GTF2IRD1: variants seen among roughly 807,000 people sequenced by gnomAD.
The protein encoded by GTF2IRD1 is GTF2I repeat domain containing 1.
In GTF2IRD1, 26 loss-of-function variants were observed where a neutral mutation model predicts 113.2. That is an observed-to-expected ratio of 0.23 (90% CI 0.17 to 0.32). The LOEUF is 0.32. Ranked by LOEUF, GTF2IRD1 falls within the 10% of genes least tolerant of loss-of-function variation. The probability of loss-of-function intolerance (pLI) is 1.00; values close to 1 mark genes in which losing one functional copy is unlikely to be tolerated. For missense variants in GTF2IRD1, 864 were observed against 1,280.8 expected, an observed-to-expected ratio of 0.67 and a Z score of 4.97; for synonymous variants, 484 against 529.1, an observed-to-expected ratio of 0.91 and a Z score of 1.17.
At chr7:74,495,574 G>T (rs1241277927) in intron 1 of GTF2IRD1, among the ~76,000 whole-genome samples, 1 of 152,158 alleles carries the variant, frequency 6.6e-6, no homozygotes, top group Non-Finnish European at 1.5e-5. Context: ...ACACACAGAT[G>T]AAAGCAATCA....
At chr7:74,549,437 G>T (rs1191255271) in intron 17 of GTF2IRD1, among the ~76,000 whole-genome samples, 1 of 152,100 alleles carries the variant, frequency 6.6e-6, no homozygotes, top group African/African-American at 2.4e-5. Context: ...ATACAGTGGC[G>T]AGGAGATCCG....
chr7:74,488,356 A>C (rs1286220748), intron 1 of GTF2IRD1, among the ~76,000 whole-genome samples: 3 of 152,220 alleles, frequency 2.0e-5, no homozygotes, highest in Non-Finnish European at 4.4e-5. Flanking sequence ...TAGGCTCTTC[A>C]GCTGCAGTTG....
At chr7:74,554,603 A>G (rs782024777) in intron 17 of GTF2IRD1, among the ~76,000 whole-genome samples, 1 of 152,058 alleles carries the variant, frequency 6.6e-6, no homozygotes, top group Non-Finnish European at 1.5e-5. Context: ...CAGTGGTGCT[A>G]TCTCAGTTCA....
chr7:74,509,997 G>A (rs73364485), intron 2 of GTF2IRD1, among the ~76,000 whole-genome samples: 10,886 of 152,088 alleles, frequency 0.072, 1,191 homozygotes, highest in African/African-American at 0.24. Context: ...TTTTTAGAGC[G>A]AACTTCTGGG....
At chr7:74,526,109 G>A (rs1189244048) in intron 8 of GTF2IRD1, among the ~76,000 whole-genome samples, 2 of 152,250 alleles carry the variant, frequency 1.3e-5, no homozygotes, top group African/African-American at 4.8e-5. Context: ...GCCAGGCGGA[G>A]GTTGGGGGAG....
intron 9 of GTF2IRD1, among the ~76,000 whole-genome samples, chr7:74,534,415 A>G (rs1798156753): frequency 6.6e-6 from 1 of 152,206 alleles, no homozygotes; most frequent in Non-Finnish European, 1.5e-5. Flanking sequence ...CAGCCTGGCC[A>G]ACATGGTGAA....
intron 1 of GTF2IRD1, among the ~76,000 whole-genome samples, chr7:74,490,271 A>G (rs534676594): frequency 2.2e-4 from 33 of 152,236 alleles, no homozygotes; most frequent in South Asian, 1.2e-3. Context: ...GTGAGACCCC[A>G]GGTGTCTTAA....
intron 14 of GTF2IRD1, among the ~76,000 whole-genome samples, chr7:74,541,489 G>A (rs1285238846): frequency 6.6e-6 from 1 of 152,128 alleles, no homozygotes; most frequent in Admixed American, 6.5e-5. Context: ...AGTTGGGTGT[G>A]GTGGTGCGTG....
At chr7:74,550,141 A>G (rs1799219722) in intron 17 of GTF2IRD1, among the ~76,000 whole-genome samples, 1 of 152,122 alleles carries the variant, frequency 6.6e-6, no homozygotes, top group Non-Finnish European at 1.5e-5. Flanking sequence ...GGTTGCAGTG[A>G]GCCGAGATCG....
chr7:74,571,034 TCTC>T (rs1800667837), intron 22 of GTF2IRD1: 1 of 921,726 alleles, frequency 1.1e-6, no homozygotes, highest in Non-Finnish European at 1.3e-6. Context: ...TCCTTTTAGT[TCTC>T]CTCTCACCCT....
At chr7:74,509,661 G>GGTTTT (rs1554342340) in intron 2 of GTF2IRD1, among the ~76,000 whole-genome samples, 2 of 151,158 alleles carry the variant, frequency 1.3e-5, no homozygotes, top group African/African-American at 4.9e-5. Context: ...AGCATGACCA[G>GGTTTT]TTTTGTTTTG....
At chr7:74,578,210 C>A (rs1262593546) in intron 22 of GTF2IRD1, among the ~76,000 whole-genome samples, 2 of 152,138 alleles carry the variant, frequency 1.3e-5, no homozygotes, top group Non-Finnish European at 2.9e-5. Context: ...GAGACGGAGT[C>A]TCGCACTGTC....
At chr7:74,525,283 C>T (rs1554346988) in intron 8 of GTF2IRD1, among the ~76,000 whole-genome samples, 1 of 152,136 alleles carries the variant, frequency 6.6e-6, no homozygotes, top group Non-Finnish European at 1.5e-5. Context: ...CCAGCCTGGG[C>T]CAGGTAGGCC....
Position 74,517,427 on chromosome 7 carries a change from CTTTTTTTT to C in GTF2IRD1, c.422-696_422-689del, listed in dbSNP as rs59499031. Among the ~76,000 whole-genome samples the C allele has an allele frequency of 5.4e-3, 422 of 77,432 alleles. 6 individuals are homozygous for C. Among genetic ancestry groups the C allele is most frequent in the African/African-American group, 0.02 (390 of 19,154 alleles). The allele number at this position is 77,432 out of a possible 152,430, so 50.8% of individuals were successfully genotyped here. A position where few individuals can be genotyped will look rare whatever the true frequency, so the allele number is the denominator to read the frequency against. On this transcript the variant is annotated intron_variant, in intron 4 of 26. Coordinates refer to ENST00000424337, the MANE Select transcript of GTF2IRD1 (RefSeq NM_005685.4). ...GGTCTCTCTCCCTTCCTCCCTACACCTTTTTTTTTTTTTTTTTTTTTTTGAGATGGATT... is the reference window on the plus strand; with the variant it reads ...GGTCTCTCTCCCTTCCTCCCTACACCTTTTTTTTTTTTTTTGAGATGGATT...
intron 20 of GTF2IRD1, 130 bp downstream of exon 20, chr7:74,557,852 A>G (rs1159701023): frequency 1.6e-6 from 1 of 621,392 alleles, no homozygotes; most frequent in Non-Finnish European, 2.9e-6. Flanking sequence ...TCTTGAGCAT[A>G]TACTACGTGC....
intron 1 of GTF2IRD1, among the ~76,000 whole-genome samples, chr7:74,492,376 T>C (rs559693331): frequency 1.3e-4 from 20 of 152,016 alleles, no homozygotes; most frequent in Non-Finnish European, 2.2e-4. Context: ...TTCACCATGT[T>C]AGCCAGGATG....
chr7:74,589,987 C>A, intron 23 of GTF2IRD1, 59 bp downstream of exon 23: 1 of 1,097,396 alleles, frequency 9.1e-7, no homozygotes, highest in Non-Finnish European at 1.4e-6. Flanking sequence ...TGGTGGGGGG[C>A]CTCCCTCTGC....
rs868992449 is a variant in GTF2IRD1, at chr7:74,550,571, A to G, written c.1916+3285A>G. On this transcript the variant is annotated intron_variant, in intron 17 of 26. Transcript: ENST00000424337. ...CACTGCACTCTAGCCTGGGTGACAG[A>G]GTAAGACCCTGTCTCGAAAATTTTT... Among the ~76,000 whole-genome samples, 6 of 152,008 alleles carry G rather than the reference A, an allele frequency of 3.9e-5. 1 individual carries two copies. The South Asian group carries it at 1.0e-3, about 26-fold the overall frequency.
At chr7:74,598,133 G>A (rs151193232) in intron 25 of GTF2IRD1, among the ~76,000 whole-genome samples, 10 of 152,254 alleles carry the variant, frequency 6.6e-5, no homozygotes, top group African/African-American at 9.6e-5. Flanking sequence ...TGAGGCAGGA[G>A]GAGTGCTTGA....
Sources: allele counts gnomAD v4.1 joint callset (sites outside exome capture counted in the v4.1 genomes callset), GRCh38; gene constraint gnomAD v4.1.1; transcripts MANE v1.5; gene names NCBI Gene and HGNC (gene_info 2026-07-23, HGNC 2026-07-21).